Variants in TRMU observed in about 807,000 individuals in gnomAD.
TRMU encodes the protein mitochondrial tRNA-specific 2-thiouridylase 1.
In TRMU, 49 loss-of-function variants were observed where a neutral mutation model predicts 46.9. The ratio of observed to expected loss-of-function variants is 1.05; its 90% CI spans 0.83 to 1.33. The LOEUF is 1.33. TRMU is among the 40% of genes most tolerant of loss of function. TRMU has a pLI of 0.00. For synonymous variants in TRMU, 241 were observed against 200.9 expected (o/e 1.20, Z -1.69); for missense variants, 572 against 532.4 (o/e 1.07, Z -0.73).
Position 46,353,876 on chromosome 22 carries a change from G to T in TRMU, c.873+9G>T. The stretch of plus-strand genomic sequence containing the variant: ...AGGGTGACGTGTTTGTGGTGAGTGG[G>T]CCGGCCTCTGAGACAGCACTGGGGC... On this transcript the variant is annotated intron_variant, in intron 8 of 10. Transcript: ENST00000645190. 1.2e-6 allele frequency: 2 copies of T among 1,612,672 alleles called. No individual in the cohort carries two copies. The highest frequency in any genetic ancestry group is 1.7e-6 in the Non-Finnish European group (2 of 1,179,046).
At position 46,339,211 on chromosome 22, in the gene TRMU, G is replaced by A. The variant is rs544089260; in HGVS notation, c.248+1267G>A. Among the ~76,000 whole-genome samples the A allele has an allele frequency of 1.2e-4, 19 of 152,126 alleles. No homozygotes were observed. In the East Asian group the frequency reaches 3.5e-3, roughly 28 times the overall value. On this transcript the variant is annotated intron_variant, in intron 2 of 10. Transcript: ENST00000645190. This position sits in a 1 kb window ranked among gnomAD's most constrained non-coding sequence, Gnocchi z 4.8. Reference sequence around the variant, plus strand: ...GTTGCCCAGGCTGGAGTGCAGTGGCGCAATCTTGGCTCACTGCAACATCTG... The same window carrying A: ...GTTGCCCAGGCTGGAGTGCAGTGGCACAATCTTGGCTCACTGCAACATCTG...
chr22:46,355,504 T>A lies in TRMU; in HGVS notation c.934T>A (p.Trp312Arg), dbSNP rs1406422732. 5.6e-6 allele frequency: 9 copies of A among 1,613,068 alleles called. No homozygotes were observed. Among genetic ancestry groups the A allele is most frequent in the Non-Finnish European group, 6.8e-6 (8 of 1,180,026 alleles). ...CCTGCTGAGGACCAGCCGCGTGCACTGGATTGCGGAGGAGCCTCCCGCAGC... is the reference window on the plus strand; with the variant it reads ...CCTGCTGAGGACCAGCCGCGTGCACAGGATTGCGGAGGAGCCTCCCGCAGC... ...RDLLRTSRVH[W>R]IAEEPPAALV... is the part of the protein sequence containing the mutation. The change falls in exon 9 of 11, where the codon TGG (tryptophan) becomes AGG (arginine). Residue 312 changes from tryptophan (W) to arginine (R), a missense_variant. Transcript: ENST00000645190.
chr22:46,354,298 T>C lies in TRMU; in HGVS notation c.873+431T>C, dbSNP rs2078528536. On this transcript the variant is annotated intron_variant, in intron 8 of 10. Coordinates refer to ENST00000645190, the MANE Select transcript of TRMU (RefSeq NM_018006.5). ...CAAGCCTTCCACCACAGTGGGGACCTTACCACTGTGACCCTGGCCTCAAAG... is the reference window on the plus strand; with the variant it reads ...CAAGCCTTCCACCACAGTGGGGACCCTACCACTGTGACCCTGGCCTCAAAG... 3 of 235,800 alleles carry C rather than the reference T, an allele frequency of 1.3e-5. No homozygotes were observed. The South Asian group carries it at 1.7e-4, about 13-fold the overall frequency. The allele number at this position is 235,800 out of a possible 1,614,324, so 14.6% of individuals were successfully genotyped here.
chr22:46,337,698 A>G (rs2078014526), intron 1 of TRMU, 81 bp from the exon 2 acceptor site: 1 of 1,564,428 alleles, frequency 6.4e-7, no homozygotes, highest in Non-Finnish European at 8.7e-7. Context: ...CGTGTGGGGA[A>G]CTTCTCAGAG....
At chr22:46,356,286 A>G in intron 10 of TRMU, 1 of 587,772 alleles carries the variant, frequency 1.7e-6, no homozygotes, top group East Asian at 2.9e-5. Context: ...CCAACCAGCC[A>G]GTTCCTGCTC....
chr22:46,346,221 G>A lies in TRMU; in HGVS notation c.356-201G>A, dbSNP rs180941154. Among the ~76,000 whole-genome samples, 251 of 152,344 alleles carry A rather than the reference G, an allele frequency of 1.6e-3. 3 individuals are homozygous for A. The highest frequency in any genetic ancestry group is 5.7e-3 in the African/African-American group (235 of 41,580). On this transcript the variant is annotated intron_variant, in intron 3 of 10. Coordinates refer to ENST00000645190, the MANE Select transcript of TRMU (RefSeq NM_018006.5). Reference sequence around the variant, plus strand: ...AAGTAGCAAGGTTGTATCAGCTTAAGAGTTCAAGGCTGCTTGTTTGATGAA... The same window carrying A: ...AAGTAGCAAGGTTGTATCAGCTTAAAAGTTCAAGGCTGCTTGTTTGATGAA...
chr22:46,353,373 G>C, intron 7 of TRMU: 1 of 299,056 alleles, frequency 3.3e-6, no homozygotes, highest in South Asian at 3.1e-5. Context: ...GGGTAGCCCT[G>C]ATGCAGTTAC....
At chr22:46,346,295 G>A in intron 3 of TRMU, 127 bp from the exon 4 acceptor site, 2 of 1,156,302 alleles carry the variant, frequency 1.7e-6, no homozygotes, top group Non-Finnish European at 1.2e-6. Flanking sequence ...TGGGTGCAGG[G>A]TGGATTGTGC....
At chr22:46,335,906 C>G in intron 1 of TRMU, 60 bp downstream of exon 1, 1 of 1,526,566 alleles carries the variant, frequency 6.6e-7, no homozygotes, top group Non-Finnish European at 8.8e-7. Context: ...AACCTGTCCC[C>G]GTCCGTCGTG....
In TRMU at chr22:46,346,655, C is replaced by T; in HGVS notation, c.478+111C>T. On this transcript the variant is annotated intron_variant, in intron 4 of 10. Coordinates refer to ENST00000645190, the MANE Select transcript of TRMU (RefSeq NM_018006.5). ...TCACTGCCACCCCTCCCTCTGTGCT[C>T]CAGAGTAGCTTGTATGGGATTCACA... 3 of 1,311,662 alleles carry T rather than the reference C, an allele frequency of 2.3e-6. No individual in the cohort carries two copies. In the Admixed American group the frequency reaches 5.3e-5, roughly 23 times the overall value. The allele number at this position is 1,311,662 out of a possible 1,614,324, so 81.3% of individuals were successfully genotyped here.
intron 7 of TRMU, chr22:46,353,455 C>T: frequency 2.7e-6 from 1 of 370,766 alleles, no homozygotes. Context: ...TGGCGTCACA[C>T]AGGGCACCCA....
intron 3 of TRMU, among the ~76,000 whole-genome samples, chr22:46,346,035 T>C (rs1270020578): frequency 6.6e-6 from 1 of 152,016 alleles, no homozygotes; most frequent in Non-Finnish European, 1.5e-5. Context: ...CCTCCCAGAG[T>C]GCTAGGATTA....
Position 46,335,796 on chromosome 22 carries a change from T to G in TRMU, c.32T>G (p.Leu11Arg), listed in dbSNP as rs1297485958. 6.4e-7 allele frequency: 1 copy of G among 1,562,182 alleles called. No individual in the cohort carries two copies. The highest frequency in any genetic ancestry group is 8.6e-7 in the Non-Finnish European group (1 of 1,158,848). ...GCCTTGCGGCACGTCGTGTGCGCCC[T>G]GTCCGGCGGCGTGGACAGCGCCGTG... MQALRHVVCA[L>R]SGGVDSAVAA... The change falls in exon 1 of 11, where the codon CTG becomes CGG. Residue 11 changes from leucine (L) to arginine (R), a missense_variant. Physicochemically the swap from Leu to Arg is moderately radical, Grantham distance 102. Coordinates refer to ENST00000645190, the MANE Select transcript of TRMU (RefSeq NM_018006.5).
rs986467139 is a variant in TRMU, at chr22:46,351,152, C to T, written c.651+689C>T. Among the ~76,000 whole-genome samples the T allele has an allele frequency of 2.6e-5, 4 of 152,110 alleles. No individual in the cohort carries two copies. The highest frequency in any genetic ancestry group is 9.7e-5 in the African/African-American group (4 of 41,400). On this transcript the variant is annotated intron_variant, in intron 5 of 10. Transcript: ENST00000645190. This position sits in a 1 kb window ranked among gnomAD's most constrained non-coding sequence, Gnocchi z 6.4. ...TGAAGGAGGAGAGGATCCGGTGTCC[C>T]AGAGAGGGCTGGGAAAGTCCAGATG... is the stretch of plus-strand genomic sequence containing the variant.
chr22:46,335,773 C>T lies in TRMU; in HGVS notation c.9C>T (p.Ala3=), dbSNP rs75417986. ...AGTTGGGCGACTGGCGGATGCAGGC[C>T]TTGCGGCACGTCGTGTGCGCCCTGT... is the stretch of plus-strand genomic sequence containing the variant. MQ[A]LRHVVCALSG... The change falls in exon 1 of 11, where the codon GCC becomes GCT. Residue 3 remains alanine, a synonymous_variant. Transcript: ENST00000645190. 6.4e-7 allele frequency: 1 copy of T among 1,552,440 alleles called. No homozygotes were observed.
At chr22:46,353,586 G>C (rs1041677405) in intron 7 of TRMU, 181 bp from the exon 8 acceptor site, 12 of 586,686 alleles carry the variant, frequency 2.0e-5, no homozygotes, top group African/African-American at 1.8e-4. Context: ...ACAATGATGA[G>C]ATGTGCTCAG....
intron 7 of TRMU, chr22:46,353,498 A>C (rs920414775): frequency 3.5e-5 from 14 of 404,276 alleles, no homozygotes; most frequent in African/African-American, 2.9e-4. Context: ...AGGGGCTCCT[A>C]CAGCTGGAAC....
intron 3 of TRMU, among the ~76,000 whole-genome samples, chr22:46,344,423 A>G (rs1352539746): frequency 6.6e-6 from 1 of 152,234 alleles, no homozygotes; most frequent in Non-Finnish European, 1.5e-5. Flanking sequence ...GGTATCTGGA[A>G]ATATGTCCTC....
Position 46,343,307 on chromosome 22 carries a change from C to T in TRMU, c.294C>T (p.Asp98=). The change falls in exon 3 of 11, where the codon GAC becomes GAT. Residue 98 remains aspartate, a synonymous_variant. Transcript: ENST00000645190. The stretch of plus-strand genomic sequence containing the variant: ...AAAAAGGAAGGACTCCCAATCCTGA[C>T]ATAGTTTGCAACAAGCACATCAAAT... ...EYEKGRTPNP[D]IVCNKHIKFS... 3 of 1,613,800 alleles carry T rather than the reference C, an allele frequency of 1.9e-6. No individual in the cohort carries two copies. The highest frequency in any genetic ancestry group is 2.5e-6 in the Non-Finnish European group (3 of 1,179,948).
Sources: allele counts gnomAD v4.1 joint callset (sites outside exome capture counted in the v4.1 genomes callset), GRCh38; gene constraint gnomAD v4.1.1; non-coding constraint Gnocchi (gnomAD v3.1); transcripts MANE v1.5; gene names NCBI Gene and HGNC (gene_info 2026-07-23, HGNC 2026-07-21).